Variants in WDPCP observed in about 807,000 individuals in gnomAD.
WDPCP encodes the protein WD repeat-containing and planar cell polarity effector protein fritz homolog.
WDPCP carries 71 observed loss-of-function variants against 93.1 expected under a neutral mutation model. The ratio of observed to expected loss-of-function variants is 0.76; its 90% confidence interval spans 0.63 to 0.93. WDPCP has a LOEUF of 0.93. Ranked by LOEUF, WDPCP falls within the 40% of genes least tolerant of loss-of-function variation. The pLI is 0.00. For missense variants in WDPCP, 844 were observed against 887.4 expected (o/e 0.95, Z 0.62); for synonymous variants, 315 against 315.0 (o/e 1.00, Z 0.00).
At chr2:63,555,102 G>T (rs1477662371) in intron 1 of WDPCP, among the ~76,000 whole-genome samples, 1 of 152,170 alleles carries the variant, frequency 6.6e-6, no homozygotes, top group African/African-American at 2.4e-5. Context: ...TTCCCAGGGA[G>T]AGGGGCGGCA....
intron 2 of WDPCP, among the ~76,000 whole-genome samples, chr2:63,653,205 C>T (rs2106634732): frequency 6.6e-6 from 1 of 152,204 alleles, no homozygotes; most frequent in South Asian, 2.1e-4. Context: ...ATATAGAGGT[C>T]CTTTTCAGAC....
intron 12 of WDPCP, chr2:63,369,410 T>C: frequency 2.2e-6 from 1 of 456,616 alleles, no homozygotes; most frequent in Non-Finnish European, 4.4e-6. Flanking sequence ...GGTCTGCAGA[T>C]GCAGTTCACT....
chr2:63,702,821 T>C (rs967049370), intron 2 of WDPCP, among the ~76,000 whole-genome samples: 3 of 152,056 alleles, frequency 2.0e-5, no homozygotes, highest in African/African-American at 4.8e-5. Context: ...GCTGCACCGA[T>C]TAACTCGTCA....
intron 6 of WDPCP, among the ~76,000 whole-genome samples, chr2:63,471,026 C>T (rs57882870): frequency 6.6e-6 from 1 of 152,148 alleles, no homozygotes; most frequent in Non-Finnish European, 1.5e-5. Flanking sequence ...ATATGAGGCC[C>T]AGCCTGCCCT....
At chr2:63,340,690 TCTC>T (rs1688772407) in intron 12 of WDPCP, among the ~76,000 whole-genome samples, 1 of 152,260 alleles carries the variant, frequency 6.6e-6, no homozygotes, top group Admixed American at 6.5e-5. Context: ...AAAGTCCAAT[TCTC>T]CTACCATCTG....
At chr2:63,600,987 T>G (rs1709407026) in intron 3 of WDPCP, among the ~76,000 whole-genome samples, 1 of 152,202 alleles carries the variant, frequency 6.6e-6, no homozygotes, top group African/African-American at 2.4e-5. Flanking sequence ...ATTGGAAAAT[T>G]CTGCTTCCAA....
chr2:63,489,786 G>C (rs1345385670), intron 2 of WDPCP, among the ~76,000 whole-genome samples: 1 of 151,772 alleles, frequency 6.6e-6, no homozygotes, highest in Non-Finnish European at 1.5e-5. Context: ...AAAATAAATT[G>C]ATCATATATA....
At position 63,713,622 on chromosome 2, in the gene WDPCP, T is replaced by C. The variant is rs541382676; in HGVS notation, n.309-62784A>G. Among the ~76,000 whole-genome samples, 3 of 152,360 alleles carry C rather than the reference T, an allele frequency of 2.0e-5. No homozygotes were observed. The East Asian group carries it at 5.8e-4, about 29-fold the overall frequency. On this transcript the variant is annotated intron_variant and non_coding_transcript_variant, in intron 2 of 4. Coordinates refer to the WDPCP transcript ENST00000467687. ...AATAGGTAGATGTCTTTCTACATCA[T>C]AATTAAATGGTAATTAATTTGCTAA... is the stretch of plus-strand genomic sequence containing the variant.
intron 2 of WDPCP, among the ~76,000 whole-genome samples, chr2:63,802,274 T>C: frequency 1.4e-5 from 1 of 73,114 alleles, no homozygotes; most frequent in Non-Finnish European, 2.6e-5. Context: ...TATGATACCC[T>C]CTCTCTTAAA....
At chr2:63,680,211 A>G (rs897390670) in intron 2 of WDPCP, among the ~76,000 whole-genome samples, 2 of 152,272 alleles carry the variant, frequency 1.3e-5, no homozygotes, top group Non-Finnish European at 2.9e-5. Flanking sequence ...GTAAGAACCA[A>G]AAATCAGGTG....
At chr2:63,823,348 A>G (rs1006748693) in intron 1 of WDPCP, among the ~76,000 whole-genome samples, 19 of 152,218 alleles carry the variant, frequency 1.2e-4, no homozygotes, top group African/African-American at 3.9e-4. Context: ...TCTACTAAAA[A>G]TACAAAAATT....
upstream of WDPCP, among the ~76,000 whole-genome samples, chr2:63,829,705 C>G (rs1057311201): frequency 6.6e-6 from 1 of 152,082 alleles, no homozygotes; most frequent in Non-Finnish European, 1.5e-5. Context: ...TTCCCAAGTA[C>G]CATGGGTTAC....
chr2:63,418,560 T>G (rs1006912674), intron 9 of WDPCP, among the ~76,000 whole-genome samples: 1 of 152,188 alleles, frequency 6.6e-6, no homozygotes, highest in African/African-American at 2.4e-5. Flanking sequence ...AGGTACTTCC[T>G]AGACTTGGTG....
At chr2:63,221,736 G>T (rs1014987628) in intron 14 of WDPCP, among the ~76,000 whole-genome samples, 4 of 152,100 alleles carry the variant, frequency 2.6e-5, no homozygotes, top group African/African-American at 9.7e-5. Flanking sequence ...GACTCTAAAA[G>T]GTTCTCCATT....
chr2:63,233,353 C>A, intron 14 of WDPCP: 1 of 280,120 alleles, frequency 3.6e-6, no homozygotes, highest in South Asian at 4.8e-5. Flanking sequence ...CAGAAAATAT[C>A]AGCAAAAGAT....
chr2:63,767,664 C>A (rs1172847953), intron 2 of WDPCP, among the ~76,000 whole-genome samples: 1 of 151,932 alleles, frequency 6.6e-6, no homozygotes, highest in Non-Finnish European at 1.5e-5. Context: ...GTTCAAATAT[C>A]TTATCTGTAG....
intron 14 of WDPCP, among the ~76,000 whole-genome samples, chr2:63,242,285 T>C (rs1679917049): frequency 6.6e-6 from 1 of 152,200 alleles, no homozygotes; most frequent in South Asian, 2.1e-4. Context: ...ATAAATGTAT[T>C]TGGAAATATA....
chr2:63,119,630 T>C lies in WDPCP; in HGVS notation c.*2376A>G, dbSNP rs1383859019. 2 of 152,138 alleles carry C rather than the reference T, an allele frequency of 1.3e-5. No homozygotes were observed. The highest frequency in any genetic ancestry group is 1.9e-4 in the East Asian group (1 of 5,202). 9.4% of individuals were successfully genotyped at this position (152,138 alleles called of 1,614,324 possible). ...CAGCTAATATAAATTACTGTGGAAATTACCTCAGATCTGAGAAATCTGGAA... is the reference window on the plus strand; with the variant it reads ...CAGCTAATATAAATTACTGTGGAAACTACCTCAGATCTGAGAAATCTGGAA... On this transcript the variant is annotated 3_prime_UTR_variant, in exon 18 of 18. Coordinates refer to ENST00000272321, the MANE Select transcript of WDPCP (RefSeq NM_015910.7).
At chr2:63,832,657 C>T (rs1671231152), upstream of WDPCP, among the ~76,000 whole-genome samples, 1 of 152,114 alleles carries the variant, frequency 6.6e-6, no homozygotes, top group African/African-American at 2.4e-5. Flanking sequence ...CTAATATACA[C>T]CTATACAGTA....
Sources: allele counts gnomAD v4.1 joint callset (sites outside exome capture counted in the v4.1 genomes callset), GRCh38; gene constraint gnomAD v4.1.1; transcripts MANE v1.5; gene names NCBI Gene and HGNC (gene_info 2026-07-23, HGNC 2026-07-21).